EPB41L4B: variants seen among roughly 807,000 people sequenced by gnomAD.
EPB41L4B encodes erythrocyte membrane protein band 4.1 like 4B, also known as band 4.1-like protein 4B.
EPB41L4B carries 30 observed loss-of-function variants against 112.5 expected under a neutral mutation model. That is an observed-to-expected ratio of 0.27 (90% confidence interval 0.20 to 0.36). EPB41L4B has a LOEUF of 0.36. Ranked by LOEUF, EPB41L4B falls within the 10% of genes least tolerant of loss-of-function variation. The probability of loss-of-function intolerance (pLI) is 1.00; values close to 1 mark genes in which losing one functional copy is unlikely to be tolerated. For synonymous variants in EPB41L4B, 408 were observed against 439.7 expected (o/e 0.93, Z 0.90); for missense variants, 1,024 against 1,133.3 (o/e 0.90, Z 1.38).
intron 20 of EPB41L4B, among the ~76,000 whole-genome samples, chr9:109,195,467 G>C (rs760207960): frequency 6.6e-6 from 1 of 152,178 alleles, no homozygotes; most frequent in African/African-American, 2.4e-5. Flanking sequence ...AGGGGGAAAG[G>C]TGAGAATTGA....
At chr9:109,218,207 C>A (rs1833452750) in intron 15 of EPB41L4B, among the ~76,000 whole-genome samples, 1 of 143,554 alleles carries the variant, frequency 7.0e-6, no homozygotes, top group African/African-American at 2.6e-5. Context: ...CTCACTGCAA[C>A]CTCCACCTCC....
At chr9:109,284,797 T>C (rs576357434) in intron 1 of EPB41L4B, among the ~76,000 whole-genome samples, 1 of 152,376 alleles carries the variant, frequency 6.6e-6, no homozygotes, top group South Asian at 2.1e-4. Context: ...TTTTCCTTCT[T>C]GACCTTAACA....
intron 20 of EPB41L4B, 36 bp downstream of exon 20, chr9:109,200,200 T>C (rs772003603): frequency 5.2e-6 from 8 of 1,532,512 alleles, no homozygotes; most frequent in South Asian, 3.4e-5. Flanking sequence ...GTCATCATAG[T>C]TGTTTTAATT....
intron 1 of EPB41L4B, among the ~76,000 whole-genome samples, chr9:109,317,953 C>T (rs1837694447): frequency 6.6e-6 from 1 of 152,198 alleles, no homozygotes; most frequent in Non-Finnish European, 1.5e-5. Flanking sequence ...CCTCGTAACT[C>T]AGAATTAATT....
chr9:109,278,182 G>A (rs527722842), intron 2 of EPB41L4B, among the ~76,000 whole-genome samples: 33 of 152,204 alleles, frequency 2.2e-4, no homozygotes, highest in African/African-American at 4.8e-4. Context: ...CCCTTCTCCC[G>A]GGTCCGGTGG....
intron 1 of EPB41L4B, among the ~76,000 whole-genome samples, chr9:109,300,016 C>T (rs772380319): frequency 2.6e-5 from 4 of 152,084 alleles, no homozygotes; most frequent in Non-Finnish European, 5.9e-5. Flanking sequence ...GAAAGGCTTC[C>T]GAGTCACAGA....
chr9:109,263,894 T>C (rs893919), intron 5 of EPB41L4B, among the ~76,000 whole-genome samples: 7 of 152,138 alleles, frequency 4.6e-5, no homozygotes, highest in African/African-American at 1.7e-4. Flanking sequence ...ATTCTGCTTT[T>C]AAATACAAAG....
chr9:109,230,849 T>C (rs1833929974), intron 15 of EPB41L4B, among the ~76,000 whole-genome samples: 1 of 152,176 alleles, frequency 6.6e-6, no homozygotes, highest in African/African-American at 2.4e-5. Context: ...CTCTACTTCA[T>C]CTTTCTTTTC....
chr9:109,267,140 T>C (rs1446409942), intron 4 of EPB41L4B, among the ~76,000 whole-genome samples: 1 of 152,222 alleles, frequency 6.6e-6, no homozygotes, highest in Non-Finnish European at 1.5e-5. Context: ...GATTAAGGAC[T>C]GAGAAATGCT....
chr9:109,218,723 T>G (rs992291024), intron 15 of EPB41L4B, among the ~76,000 whole-genome samples: 2 of 152,126 alleles, frequency 1.3e-5, no homozygotes, highest in Admixed American at 1.3e-4. Flanking sequence ...TGCCTCTTAC[T>G]TCTTGGTGCC....
At chr9:109,206,535 A>G (rs558547055) in intron 18 of EPB41L4B, among the ~76,000 whole-genome samples, 1 of 152,306 alleles carries the variant, frequency 6.6e-6, no homozygotes, top group Admixed American at 6.5e-5. Context: ...GCAGCTTTTT[A>G]TAATATTTCC....
intron 15 of EPB41L4B, among the ~76,000 whole-genome samples, chr9:109,230,154 A>C (rs1833906341): frequency 6.6e-6 from 1 of 152,200 alleles, no homozygotes; most frequent in Non-Finnish European, 1.5e-5. Flanking sequence ...ATCTTCCAAC[A>C]ACCATTTGAA....
At chr9:109,278,768 G>A (rs1392083996) in intron 2 of EPB41L4B, among the ~76,000 whole-genome samples, 2 of 152,150 alleles carry the variant, frequency 1.3e-5, no homozygotes, top group Admixed American at 6.6e-5. Flanking sequence ...GCAATGCTCA[G>A]CACAGGGCCC....
At chr9:109,182,157 C>T (rs150326921) in intron 24 of EPB41L4B, among the ~76,000 whole-genome samples, 1,838 of 152,192 alleles carry the variant, frequency 0.012, 13 homozygotes, top group Middle Eastern at 0.034. Flanking sequence ...TGAAGTGAGC[C>T]GAGATCGTGC....
At chr9:109,234,570 A>G (rs1423097198) in intron 15 of EPB41L4B, among the ~76,000 whole-genome samples, 2 of 152,198 alleles carry the variant, frequency 1.3e-5, no homozygotes, top group Non-Finnish European at 2.9e-5. Flanking sequence ...TATCTATCTT[A>G]AAAAAGGCAA....
At chr9:109,302,048 G>A (rs1357059548) in intron 1 of EPB41L4B, among the ~76,000 whole-genome samples, 2 of 152,150 alleles carry the variant, frequency 1.3e-5, no homozygotes, top group Non-Finnish European at 2.9e-5. Context: ...CCAGAGCTCT[G>A]GCCACCAAGA....
At chr9:109,196,446 C>T (rs1832643368) in intron 20 of EPB41L4B, 1 of 152,166 alleles carries the variant, frequency 6.6e-6, no homozygotes, top group Admixed American at 6.5e-5. Context: ...TGGCTGGGCA[C>T]AGAGGCTAAT....
chr9:109,264,241 T>C (rs1835321271), intron 5 of EPB41L4B, among the ~76,000 whole-genome samples: 1 of 152,228 alleles, frequency 6.6e-6, no homozygotes, highest in African/African-American at 2.4e-5. Flanking sequence ...AATTCGGAAA[T>C]TACATATTTA....
chr9:109,320,021 A>C, intron 1 of EPB41L4B, 120 bp downstream of exon 1: 1 of 787,626 alleles, frequency 1.3e-6, no homozygotes, highest in South Asian at 3.9e-5. Context: ...GGAGAAGAGG[A>C]TGGGGGAGGG....
Sources: allele counts gnomAD v4.1 joint callset (sites outside exome capture counted in the v4.1 genomes callset), GRCh38; gene constraint gnomAD v4.1.1; transcripts MANE v1.5; gene names NCBI Gene and HGNC (gene_info 2026-07-23, HGNC 2026-07-21).